Variants in SUPT5H observed in about 807,000 individuals in gnomAD.
The protein encoded by SUPT5H is SPT5 homolog, DSIF elongation factor subunit, also known as transcription elongation factor SPT5.
SUPT5H carries 24 observed loss-of-function variants against 142.5 expected under a neutral mutation model. The ratio of observed to expected loss-of-function variants is 0.17; its 90% CI spans 0.12 to 0.24. The LOEUF (loss-of-function observed/expected upper bound fraction) is 0.24. SUPT5H is among the 10% of genes least tolerant of loss of function. SUPT5H has a pLI of 1.00. For synonymous variants in SUPT5H, 546 were observed against 553.0 expected (o/e 0.99, Z 0.18); for missense variants, 893 against 1,471.8 (o/e 0.61, Z 6.43).
chr19:39,446,692 C>T (rs546324685), intron 2 of SUPT5H, among the ~76,000 whole-genome samples: 6 of 152,286 alleles, frequency 3.9e-5, no homozygotes, highest in African/African-American at 1.4e-4. Context: ...CAACGGGACC[C>T]TGTCTCTACA....
At chr19:39,453,654 C>G in intron 3 of SUPT5H, 133 bp downstream of exon 3, 1 of 1,096,572 alleles carries the variant, frequency 9.1e-7, no homozygotes, top group Non-Finnish European at 1.2e-6. Flanking sequence ...ACTTGGCTCA[C>G]TGCAAGTTCA....
chr19:39,471,656 T>A lies in SUPT5H; in HGVS notation c.1876T>A (p.Cys626Ser). The A allele has an allele frequency of 6.2e-7, 1 of 1,614,168 alleles. No homozygotes were observed. The highest frequency in any genetic ancestry group is 8.5e-7 in the Non-Finnish European group (1 of 1,180,016). The change falls in exon 20 of 30, where the codon TGC (cysteine) becomes AGC (serine). Residue 626 changes from cysteine to serine, a missense_variant. By Grantham distance (112) the Cys-to-Ser change is moderately radical. Coordinates refer to ENST00000432763, the MANE Select transcript of SUPT5H (RefSeq NM_001111020.3). The part of the protein sequence containing the change: ...HLFRSFAFLH[C>S]KKLVENGGMF... Reference sequence around the variant, plus strand: ...CTTCCGAAGCTTCGCCTTCCTACATTGCAAGAAACTGGTGGAGAACGGGGG... The same window carrying A: ...CTTCCGAAGCTTCGCCTTCCTACATAGCAAGAAACTGGTGGAGAACGGGGG...
chr19:39,446,073 G>A, intron 2 of SUPT5H, 108 bp downstream of exon 2: 1 of 1,198,716 alleles, frequency 8.3e-7, no homozygotes, highest in Admixed American at 2.0e-5. Context: ...TGGCTTCTGG[G>A]AACTCCCAGA....
chr19:39,471,774 C>T (rs1488147130), intron 20 of SUPT5H, 44 bp downstream of exon 20: 1 of 1,588,604 alleles, frequency 6.3e-7, no homozygotes, highest in Non-Finnish European at 8.6e-7. Flanking sequence ...GTACCTGGCT[C>T]AGCTCTCCAA....
In SUPT5H at chr19:39,469,883, G is replaced by A; in HGVS notation, c.1375-236G>A. Reference sequence around the variant, plus strand: ...CTGTGTGGGTATAGGTAGGCATCGTGTGTCTTGAGGGCGGGCTGGGGTAAA... The same window carrying A: ...CTGTGTGGGTATAGGTAGGCATCGTATGTCTTGAGGGCGGGCTGGGGTAAA... On this transcript the variant is annotated intron_variant, in intron 16 of 29. Transcript: ENST00000432763. This position sits in a 1 kb window ranked among gnomAD's most constrained non-coding sequence, Gnocchi z 5.1. 1 of 544,094 alleles carries A rather than the reference G, an allele frequency of 1.8e-6. No individual in the cohort carries two copies. The highest frequency in any genetic ancestry group is 3.3e-6 in the Non-Finnish European group (1 of 306,408). The allele number at this position is 544,094 out of a possible 1,614,324, so 33.7% of individuals were successfully genotyped here.
At chr19:39,453,157 G>A (rs565398406) in intron 2 of SUPT5H, among the ~76,000 whole-genome samples, 199 bp from the exon 3 acceptor site, 74 of 152,276 alleles carry the variant, frequency 4.9e-4, no homozygotes, top group Non-Finnish European at 8.1e-4. Flanking sequence ...TTGCTTGGGT[G>A]GCTGGGGAGA....
intron 3 of SUPT5H, among the ~76,000 whole-genome samples, chr19:39,454,736 G>A (rs1182797007): frequency 2.0e-5 from 3 of 152,172 alleles, no homozygotes; most frequent in African/African-American, 7.2e-5. Context: ...TAATGAATGT[G>A]CATGTTTTCC....
Position 39,469,774 on chromosome 19 carries a change from A to G in SUPT5H, c.1375-345A>G. The G allele has an allele frequency of 4.2e-6, 2 of 475,470 alleles. No homozygotes were observed. The highest frequency in any genetic ancestry group is 4.5e-5 in the South Asian group (2 of 44,184). 29.5% of individuals were successfully genotyped at this position (475,470 alleles called of 1,614,324 possible). On this transcript the variant is annotated intron_variant, in intron 16 of 29. Transcript: ENST00000432763. The surrounding 1 kb of genome is among the most constrained non-coding windows in gnomAD (Gnocchi z 5.1). ...TATGTCTGAGGGGTTGTGCAGGCCC[A>G]GTGTGATGTGTGGGGTGAGGCTGTC... is the stretch of plus-strand genomic sequence containing the variant.
intron 1 of SUPT5H, 65 bp downstream of exon 1, chr19:39,445,702 CTG>C (rs2078943665): frequency 4.6e-6 from 3 of 653,560 alleles, no homozygotes; most frequent in Admixed American, 2.7e-5. Flanking sequence ...GATTCGGAAA[CTG>C]GGGAGGTCTA....
At chr19:39,456,537 C>T (rs1473154980) in intron 3 of SUPT5H, among the ~76,000 whole-genome samples, 1 of 151,942 alleles carries the variant, frequency 6.6e-6, no homozygotes, top group Non-Finnish European at 1.5e-5. Context: ...TCTGCCTCAG[C>T]CTCCCGAGTA....
chr19:39,453,756 G>C (rs956302645), intron 3 of SUPT5H, among the ~76,000 whole-genome samples: 1 of 152,036 alleles, frequency 6.6e-6, no homozygotes, highest in Admixed American at 6.6e-5. Context: ...TAGTGGAGAC[G>C]GGGTTTCACC....
intron 2 of SUPT5H, among the ~76,000 whole-genome samples, chr19:39,450,296 G>C (rs1033184233): frequency 6.6e-6 from 1 of 150,914 alleles, no homozygotes; most frequent in Non-Finnish European, 1.5e-5. Context: ...TTTTTTTGGA[G>C]ATGAAGTCTC....
chr19:39,448,267 C>T (rs987783077), intron 2 of SUPT5H, among the ~76,000 whole-genome samples: 1 of 152,200 alleles, frequency 6.6e-6, no homozygotes, highest in African/African-American at 2.4e-5. Context: ...TGCTTATCCT[C>T]TGTGGACATT....
intron 11 of SUPT5H, among the ~76,000 whole-genome samples, chr19:39,465,577 G>A (rs1201942080): frequency 6.6e-6 from 1 of 152,226 alleles, no homozygotes; most frequent in Non-Finnish European, 1.5e-5. Flanking sequence ...TTTTGGTTAT[G>A]TCAGCTGGGG....
At chr19:39,476,021 A>G (rs1465405090) in intron 28 of SUPT5H, 60 bp from the exon 29 acceptor site, 1 of 1,491,824 alleles carries the variant, frequency 6.7e-7, no homozygotes, top group Non-Finnish European at 9.3e-7. Flanking sequence ...CCCCTGGAGT[A>G]TGGGCCTCAG....
At chr19:39,451,381 A>C (rs1166084528) in intron 2 of SUPT5H, among the ~76,000 whole-genome samples, 2 of 150,192 alleles carry the variant, frequency 1.3e-5, no homozygotes, top group South Asian at 4.2e-4. Context: ...TTTTTAGTAG[A>C]GATGGGGTTT....
At chr19:39,447,154 C>A (rs1362827680) in intron 2 of SUPT5H, among the ~76,000 whole-genome samples, 1 of 152,170 alleles carries the variant, frequency 6.6e-6, no homozygotes, top group Non-Finnish European at 1.5e-5. Flanking sequence ...CAGAGTGAGA[C>A]TTTGTCTCCC....
chr19:39,453,889 C>A (rs2079052534), intron 3 of SUPT5H, among the ~76,000 whole-genome samples: 1 of 152,200 alleles, frequency 6.6e-6, no homozygotes, highest in Admixed American at 6.6e-5. Context: ...ACGGCCCCTT[C>A]TGTAGTCTGG....
rs1280653178 is a variant in SUPT5H at position 39,473,901 on chromosome 19, G to A, written c.2493-62G>A. On this transcript the variant is annotated intron_variant, in intron 25 of 29. Coordinates refer to ENST00000432763, the MANE Select transcript of SUPT5H (RefSeq NM_001111020.3). The surrounding 1 kb of genome is among the most constrained non-coding windows in gnomAD (Gnocchi z 5.8). ...AGTTGGGGGTCTGGTGTAGGGTGCT[G>A]TTCTGGAAGCATCCATCGCATTATC... 5 of 1,609,402 alleles carry A rather than the reference G, an allele frequency of 3.1e-6. No homozygotes were observed. Among genetic ancestry groups the A allele is most frequent in the African/African-American group, 2.7e-5 (2 of 74,904 alleles).
Sources: gnomAD v4.1 joint callset for allele counts (sites outside exome capture counted in the v4.1 genomes callset) on GRCh38, gnomAD v4.1.1 for gene constraint, Gnocchi (gnomAD v3.1) non-coding constraint, MANE v1.5 for transcripts, NCBI Gene and HGNC (gene_info 2026-07-23, HGNC 2026-07-21) for gene names.